Variants in PRDM6 observed in about 807,000 individuals in gnomAD.
PRDM6 encodes PR/SET domain 6, also known as putative histone-lysine N-methyltransferase PRDM6.
PRDM6 carries 25 observed loss-of-function variants against 60.8 expected under a neutral mutation model. The observed-to-expected ratio is 0.41, with a 90% CI of 0.30 to 0.57. The LOEUF is 0.57. PRDM6 is among the 20% of genes least tolerant of loss of function. PRDM6 has a pLI of 0.27. For synonymous variants in PRDM6, 407 were observed against 357.4 expected, an observed-to-expected ratio of 1.14 and a Z score of -1.57; for missense variants, 839 against 821.3, an observed-to-expected ratio of 1.02 and a Z score of -0.26.
rs1008062373 is a variant in PRDM6 at position 123,099,988 on chromosome 5, C to T, written c.900+27C>T. The T allele has an allele frequency of 1.2e-5, 17 of 1,475,738 alleles. No individual in the cohort carries two copies. Among genetic ancestry groups the T allele is most frequent in the Non-Finnish European group, 1.5e-5 (17 of 1,105,702 alleles). The allele number at this position is 1,475,738 out of a possible 1,614,324, so 91.4% of individuals were successfully genotyped here. A position where few individuals can be genotyped will look rare whatever the true frequency, so the allele number is the denominator to read the frequency against. ...TAAGTGGCCGGCTGCACAGCGCCTCCCCACCGAGCAGGAGCCTTGGCCAGC... is the reference window on the plus strand; with the variant it reads ...TAAGTGGCCGGCTGCACAGCGCCTCTCCACCGAGCAGGAGCCTTGGCCAGC... On this transcript the variant is annotated intron_variant, in intron 3 of 7. Coordinates refer to ENST00000407847, the MANE Select transcript of PRDM6 (RefSeq NM_001136239.4). The surrounding 1 kb of genome is among the most constrained non-coding windows in gnomAD (Gnocchi z 4.0).
intron 1 of PRDM6, 61 bp from the exon 2 acceptor site, chr5:123,089,939 C>T: frequency 7.8e-7 from 1 of 1,281,618 alleles, no homozygotes. Context: ...TCCCAGTGGC[C>T]CTCTTCCCGG....
intron 7 of PRDM6, among the ~76,000 whole-genome samples, 192 bp downstream of exon 7, chr5:123,180,515 C>G (rs1766128885): frequency 6.6e-6 from 1 of 152,242 alleles, no homozygotes; most frequent in South Asian, 2.1e-4. Flanking sequence ...AACCTATGCA[C>G]TGGTCCTAGC....
Position 123,170,762 on chromosome 5 carries a change from C to T in PRDM6, c.1154-4C>T, listed in dbSNP as rs992345525. On this transcript the variant is annotated splice_polypyrimidine_tract_variant and splice_region_variant and intron_variant, in intron 5 of 7. Coordinates refer to ENST00000407847, the MANE Select transcript of PRDM6 (RefSeq NM_001136239.4). ...GTTCTTCTAAACTGTTGCTATTCTC[C>T]TAGTAAATGTCCCTTCAACGGTAAT... is the stretch of plus-strand genomic sequence containing the variant. The T allele has an allele frequency of 1.3e-5, 20 of 1,539,686 alleles. No individual in the cohort carries two copies. Among genetic ancestry groups the T allele is most frequent in the African/African-American group, 1.4e-5 (1 of 72,576 alleles).
At chr5:123,091,454 TA>T (rs1039263709) in intron 2 of PRDM6, among the ~76,000 whole-genome samples, 4 of 152,260 alleles carry the variant, frequency 2.6e-5, no homozygotes, top group African/African-American at 9.6e-5. Context: ...AATGCCTAAC[TA>T]AACATCAGAA....
intron 3 of PRDM6, among the ~76,000 whole-genome samples, chr5:123,105,623 G>C (rs1764184779): frequency 6.6e-6 from 1 of 152,122 alleles, no homozygotes; most frequent in Non-Finnish European, 1.5e-5. Context: ...TGGTAGTATG[G>C]GAAAAACCAT....
At chr5:123,156,383 T>A (rs900002919) in intron 4 of PRDM6, among the ~76,000 whole-genome samples, 1 of 152,232 alleles carries the variant, frequency 6.6e-6, no homozygotes, top group African/African-American at 2.4e-5. Context: ...GCCTCAGGTC[T>A]CTTGCTTTCA....
intron 7 of PRDM6, among the ~76,000 whole-genome samples, chr5:123,182,481 G>A (rs1394672698): frequency 2.0e-5 from 3 of 152,170 alleles, no homozygotes; most frequent in Non-Finnish European, 4.4e-5. Context: ...ATTAATTGAA[G>A]CGGTTTCAGG....
chr5:123,165,035 A>G (rs1401075122), intron 5 of PRDM6, among the ~76,000 whole-genome samples: 1 of 151,962 alleles, frequency 6.6e-6, no homozygotes, highest in Non-Finnish European at 1.5e-5. Context: ...TGCTTGCCTC[A>G]CTTCCCAACA....
intron 5 of PRDM6, among the ~76,000 whole-genome samples, chr5:123,165,178 C>T (rs1419001602): frequency 1.3e-5 from 2 of 152,206 alleles, no homozygotes; most frequent in Non-Finnish European, 2.9e-5. Flanking sequence ...GCGCCAGACT[C>T]CTCTCCAGCT....
At chr5:123,142,414 CA>C (rs1397526244) in intron 3 of PRDM6, among the ~76,000 whole-genome samples, 2 of 152,084 alleles carry the variant, frequency 1.3e-5, no homozygotes, top group Non-Finnish European at 2.9e-5. Context: ...GCTCATCTAG[CA>C]ACTAATTAAC....
intron 6 of PRDM6, among the ~76,000 whole-genome samples, chr5:123,177,626 C>G (rs1027497562): frequency 1.3e-5 from 2 of 152,132 alleles, no homozygotes; most frequent in African/African-American, 4.8e-5. Context: ...ACACACACAA[C>G]CATAGAAAGC....
chr5:123,094,909 C>T (rs1462686984), intron 2 of PRDM6, among the ~76,000 whole-genome samples: 2 of 152,240 alleles, frequency 1.3e-5, no homozygotes, highest in East Asian at 1.9e-4. Context: ...CTCCCTCCCA[C>T]CTTCTTGCTC....
intron 3 of PRDM6, among the ~76,000 whole-genome samples, chr5:123,106,382 C>T (rs903332863): frequency 6.6e-6 from 1 of 152,056 alleles, no homozygotes; most frequent in African/African-American, 2.4e-5. Context: ...ATGCACAATC[C>T]GGGAGTTCAG....
rs888862239 is a variant in PRDM6, at chr5:123,107,951, A to G, written c.900+7990A>G. 3.3e-5 allele frequency among the ~76,000 whole-genome samples: 5 copies of G among 152,262 alleles called. No individual in the cohort carries two copies. In the East Asian group the frequency reaches 7.7e-4, roughly 23 times the overall value. On this transcript the variant is annotated intron_variant, in intron 3 of 7. Coordinates refer to ENST00000407847, the MANE Select transcript of PRDM6 (RefSeq NM_001136239.4). ...TATTTTCAGTCAGTGTCTTGATATT[A>G]TCTCCTCATTTTTAATTAATTTTTT... is the stretch of plus-strand genomic sequence containing the variant.
In PRDM6 at chr5:123,099,609, C is replaced by G; in HGVS notation, c.593-45C>G. 7.1e-7 allele frequency: 1 copy of G among 1,414,482 alleles called. No individual in the cohort carries two copies. Among genetic ancestry groups the G allele is most frequent in the Non-Finnish European group, 9.3e-7 (1 of 1,081,012 alleles). The allele number at this position is 1,414,482 out of a possible 1,614,324, so 87.6% of individuals were successfully genotyped here. A position where few individuals can be genotyped will look rare whatever the true frequency, so the allele number is the denominator to read the frequency against. On this transcript the variant is annotated intron_variant, in intron 2 of 7. Transcript: ENST00000407847. This position sits in a 1 kb window ranked among gnomAD's most constrained non-coding sequence, Gnocchi z 4.0. ...TCAAAGATGGGCCGCTCGGGGCGGC[C>G]GGATTAACCCGCTCCCTTCCCTTCC...
chr5:123,141,309 T>C (rs1238019451), intron 3 of PRDM6, among the ~76,000 whole-genome samples: 2 of 152,102 alleles, frequency 1.3e-5, no homozygotes, highest in Non-Finnish European at 2.9e-5. Context: ...TTTGCCTGAA[T>C]TAACATATTA....
At chr5:123,091,414 T>G (rs1763839154) in intron 2 of PRDM6, among the ~76,000 whole-genome samples, 1 of 152,180 alleles carries the variant, frequency 6.6e-6, no homozygotes, top group Admixed American at 6.5e-5. Flanking sequence ...TAAAAGACGC[T>G]TACTCCCCTC....
intron 3 of PRDM6, among the ~76,000 whole-genome samples, chr5:123,135,852 A>G (rs558240514): frequency 2.4e-4 from 37 of 152,322 alleles, no homozygotes; most frequent in African/African-American, 8.4e-4. Flanking sequence ...TAAAATAATC[A>G]GACCAATCCG....
chr5:123,160,591 C>G (rs1765606302), intron 5 of PRDM6, among the ~76,000 whole-genome samples: 1 of 145,042 alleles, frequency 6.9e-6, no homozygotes. Flanking sequence ...TGCACTCACA[C>G]AAAAACTGCA....
Sources: allele counts gnomAD v4.1 joint callset (sites outside exome capture counted in the v4.1 genomes callset), GRCh38; gene constraint gnomAD v4.1.1; non-coding constraint Gnocchi (gnomAD v3.1); transcripts MANE v1.5; gene names NCBI Gene and HGNC (gene_info 2026-07-23, HGNC 2026-07-21).